Variants in PATJ observed in about 807,000 individuals in gnomAD.
The protein encoded by PATJ is inaD-like protein.
In PATJ, 190 loss-of-function variants were observed where a neutral mutation model predicts 224.9. The ratio of observed to expected loss-of-function variants is 0.84; its 90% CI spans 0.75 to 0.95. The LOEUF (loss-of-function observed/expected upper bound fraction) is 0.95. Ranked by LOEUF, PATJ falls within the 40% of genes least tolerant of loss-of-function variation. PATJ has a pLI of 0.00. For synonymous variants in PATJ, 769 were observed against 820.3 expected (o/e 0.94, Z 1.07); for missense variants, 2,121 against 2,270.3 (o/e 0.93, Z 1.34).
At chr1:62,007,913 A>T (rs979006477) in intron 28 of PATJ, among the ~76,000 whole-genome samples, 1 of 152,218 alleles carries the variant, frequency 6.6e-6, no homozygotes, top group South Asian at 2.1e-4. Context: ...TCAACATATG[A>T]ATTTGCAGAG....
At chr1:62,009,517 G>A (rs1646300894) in intron 28 of PATJ, among the ~76,000 whole-genome samples, 2 of 152,154 alleles carry the variant, frequency 1.3e-5, no homozygotes, top group Non-Finnish European at 2.9e-5. Context: ...CATGTTGATG[G>A]TTGCTGACTG....
At chr1:62,094,758 G>T (rs906784928) in intron 33 of PATJ, among the ~76,000 whole-genome samples, 5 of 152,054 alleles carry the variant, frequency 3.3e-5, no homozygotes, top group Non-Finnish European at 7.4e-5. Flanking sequence ...CAAAACAGTA[G>T]GTACTGAACA....
chr1:62,117,183 T>C lies in PATJ; in HGVS notation c.4855T>C (p.Trp1619Arg). ...LEIGRLRAGS[W>R]TSARTTSQNS... ...GATTGGAAGACTCCGAGCTGGTTCC[T>C]GGACCTCCGCAAGGACGACATCACA... The change falls in exon 37 of 44, where the codon TGG becomes CGG. Residue 1619 changes from tryptophan (W) to arginine (R), a missense_variant. Transcript: ENST00000642238. The C allele has an allele frequency of 6.2e-7, 1 of 1,614,158 alleles. No individual in the cohort carries two copies. The highest frequency in any genetic ancestry group is 8.5e-7 in the Non-Finnish European group (1 of 1,180,020).
chr1:61,821,360 C>G (rs187042040), intron 14 of PATJ, among the ~76,000 whole-genome samples: 40 of 152,316 alleles, frequency 2.6e-4, no homozygotes, highest in African/African-American at 7.9e-4. Context: ...ACTATCTTAG[C>G]CTTTCATTTA....
At chr1:62,151,598 T>G (rs908630287) in intron 42 of PATJ, among the ~76,000 whole-genome samples, 5 of 151,734 alleles carry the variant, frequency 3.3e-5, no homozygotes, top group Admixed American at 1.3e-4. Flanking sequence ...CTCAAAAAAA[T>G]AAATAAATAA....
chr1:61,787,779 A>G lies in PATJ; in HGVS notation c.875A>G (p.His292Arg). The change falls in exon 8 of 44, where the codon CAC becomes CGC. Residue 292 changes from histidine to arginine, a missense_variant. His to Arg is a conservative substitution (Grantham distance 29). Coordinates refer to ENST00000642238, the MANE Select transcript of PATJ (RefSeq NM_001350145.3). ...DRDGRLQTGD[H>R]ILKIGGTNVQ... ...GATGGAAGACTCCAGACAGGGGACCACATCTTGAAGATTGGTGGCACAAAC... is the reference window on the plus strand; with the variant it reads ...GATGGAAGACTCCAGACAGGGGACCGCATCTTGAAGATTGGTGGCACAAAC... The G allele has an allele frequency of 1.2e-6, 2 of 1,614,072 alleles. No individual in the cohort carries two copies. The highest frequency in any genetic ancestry group is 1.7e-6 in the Non-Finnish European group (2 of 1,179,902).
chr1:61,747,339 A>G (rs1385331236), intron 1 of PATJ, among the ~76,000 whole-genome samples: 1 of 125,258 alleles, frequency 8.0e-6, no homozygotes, highest in Admixed American at 8.0e-5. Context: ...TGTAGAGCTC[A>G]CTTATTTTTT....
intron 1 of PATJ, among the ~76,000 whole-genome samples, chr1:61,757,332 A>G (rs1406550642): frequency 1.3e-5 from 2 of 151,908 alleles, no homozygotes; most frequent in African/African-American, 4.8e-5. Context: ...TTGGCTTCCT[A>G]AAATGCTGAG....
chr1:62,090,096 G>T (rs1660545573), intron 33 of PATJ, among the ~76,000 whole-genome samples: 1 of 152,100 alleles, frequency 6.6e-6, no homozygotes, highest in Non-Finnish European at 1.5e-5. Flanking sequence ...AAGACAGACG[G>T]TTTCTGAGAT....
chr1:61,900,256 T>C (rs999160104), intron 23 of PATJ, among the ~76,000 whole-genome samples: 3 of 152,352 alleles, frequency 2.0e-5, no homozygotes, highest in South Asian at 2.1e-4. Context: ...TTGCTTGTAA[T>C]TGAAATCTGA....
At chr1:61,921,477 G>A (rs746405061) in intron 26 of PATJ, among the ~76,000 whole-genome samples, 50 of 152,208 alleles carry the variant, frequency 3.3e-4, no homozygotes, top group Admixed American at 2.1e-3. Context: ...TCCAGAAGAT[G>A]GTGATTATTG....
intron 9 of PATJ, among the ~76,000 whole-genome samples, chr1:61,793,703 AC>A (rs1360983022): frequency 1.3e-5 from 2 of 150,630 alleles, no homozygotes; most frequent in Non-Finnish European, 3.0e-5. Flanking sequence ...AACCTGGGCA[AC>A]AGAGCCAGAT....
At chr1:62,141,692 G>A (rs1035526594) in intron 41 of PATJ, among the ~76,000 whole-genome samples, 7 of 145,438 alleles carry the variant, frequency 4.8e-5, no homozygotes, top group Admixed American at 6.9e-5. Flanking sequence ...AAAAAAATAC[G>A]GTGACTCACG....
chr1:62,061,227 G>T (rs1248545124), intron 31 of PATJ, among the ~76,000 whole-genome samples: 1 of 151,846 alleles, frequency 6.6e-6, no homozygotes, highest in Non-Finnish European at 1.5e-5. Context: ...TGTCACCCAG[G>T]CTGGAGTACA....
intron 41 of PATJ, among the ~76,000 whole-genome samples, chr1:62,136,675 G>A (rs1332020652): frequency 1.3e-5 from 2 of 151,186 alleles, no homozygotes; most frequent in South Asian, 4.2e-4. Context: ...CTGTGTGTGT[G>A]TGTGTGTGTG....
chr1:61,878,526 G>A (rs1027393399), intron 21 of PATJ, among the ~76,000 whole-genome samples: 2 of 152,048 alleles, frequency 1.3e-5, no homozygotes, highest in Non-Finnish European at 2.9e-5. Context: ...TGAATGCATG[G>A]AAAGAGTTTC....
chr1:61,843,837 A>G (rs1444295275), intron 17 of PATJ, among the ~76,000 whole-genome samples: 1 of 152,198 alleles, frequency 6.6e-6, no homozygotes, highest in Non-Finnish European at 1.5e-5. Context: ...TCAAAGATAG[A>G]ATCTGGGTAC....
At chr1:61,825,734 G>T (rs1658135013) in intron 15 of PATJ, among the ~76,000 whole-genome samples, 1 of 152,022 alleles carries the variant, frequency 6.6e-6, no homozygotes, top group African/African-American at 2.4e-5. Flanking sequence ...CAATTCAAAT[G>T]AATAAATAAT....
chr1:61,824,027 T>A (rs77066731), intron 15 of PATJ, among the ~76,000 whole-genome samples: 8,946 of 152,256 alleles, frequency 0.059, 377 homozygotes, highest in South Asian at 0.14. Context: ...TTATTGCAGA[T>A]TAATGCCCTA....
Sources: gnomAD v4.1 joint callset for allele counts (sites outside exome capture counted in the v4.1 genomes callset) on GRCh38, gnomAD v4.1.1 for gene constraint, MANE v1.5 for transcripts, NCBI Gene and HGNC (gene_info 2026-07-23, HGNC 2026-07-21) for gene names.